SRL: variants seen among roughly 807,000 people sequenced by gnomAD.
SRL encodes the protein sarcalumenin.
A neutral mutation model predicts 39.5 loss-of-function variants in SRL; 23 were observed. That is an observed-to-expected ratio of 0.58 (90% CI 0.42 to 0.82). The LOEUF (loss-of-function observed/expected upper bound fraction) is 0.82, where lower values mean the gene tolerates loss of function less well. Among genes scored for constraint, SRL ranks in the 40% least tolerant of loss-of-function variants. The pLI is 0.00. For synonymous variants in SRL, 272 were observed against 237.4 expected (o/e 1.15, Z -1.34); for missense variants, 592 against 607.8 (o/e 0.97, Z 0.27).
intron 2 of SRL, among the ~76,000 whole-genome samples, chr16:4,203,811 G>A (rs2052273023): frequency 6.6e-6 from 1 of 152,160 alleles, no homozygotes; most frequent in South Asian, 2.1e-4. Flanking sequence ...CATCTCTGTT[G>A]CCCACCTCTG....
At chr16:4,224,329 A>T (rs1373561518) in intron 1 of SRL, among the ~76,000 whole-genome samples, 1 of 152,166 alleles carries the variant, frequency 6.6e-6, no homozygotes, top group Admixed American at 6.5e-5. Flanking sequence ...ACTACTATTG[A>T]TGGAGTGCCT....
intron 1 of SRL, among the ~76,000 whole-genome samples, chr16:4,215,581 A>C (rs2052449121): frequency 6.6e-6 from 1 of 152,094 alleles, no homozygotes; most frequent in Non-Finnish European, 1.5e-5. Flanking sequence ...TGCTTCTAGA[A>C]CTCAGCTCTC....
intron 1 of SRL, among the ~76,000 whole-genome samples, chr16:4,217,767 G>C (rs1180701338): frequency 6.6e-6 from 1 of 152,238 alleles, no homozygotes; most frequent in Non-Finnish European, 1.5e-5. Flanking sequence ...TTCTTTCCTA[G>C]AAGAGCAAAG....
intron 1 of SRL, among the ~76,000 whole-genome samples, chr16:4,210,610 C>T (rs2052381845): frequency 6.6e-6 from 1 of 151,258 alleles, no homozygotes; most frequent in Admixed American, 6.6e-5. Flanking sequence ...TCTGCCTCAG[C>T]CTCCCGAGTA....
intron 1 of SRL, among the ~76,000 whole-genome samples, chr16:4,211,437 C>T (rs113394109): frequency 6.6e-6 from 1 of 151,320 alleles, no homozygotes; most frequent in African/African-American, 2.4e-5. Context: ...ATGACCGTGC[C>T]GATGATGAGG....
intron 1 of SRL, among the ~76,000 whole-genome samples, chr16:4,212,395 G>A (rs985025817): frequency 2.6e-5 from 4 of 152,184 alleles, no homozygotes; most frequent in Non-Finnish European, 4.4e-5. Flanking sequence ...CGCAGACAGA[G>A]GTGTGGGAGC....
chr16:4,226,366 A>G (rs1318360040), intron 1 of SRL, among the ~76,000 whole-genome samples: 1 of 152,038 alleles, frequency 6.6e-6, no homozygotes, highest in Non-Finnish European at 1.5e-5. Flanking sequence ...GGGTAGATGG[A>G]TGAATGGAAG....
Position 4,217,577 on chromosome 16 carries a change from AC to A in SRL, c.62-12944del, listed in dbSNP as rs543568381. 1.9e-4 allele frequency among the ~76,000 whole-genome samples: 28 copies of A among 150,328 alleles called. No homozygotes were observed. The East Asian group carries it at 5.1e-3, about 27-fold the overall frequency. ...CTGCTGTCTTACCACTGGCGCCCCC[AC>A]CCCCCGCTGTCTTACTACCCAGCGA... On this transcript the variant is annotated intron_variant, in intron 1 of 5. Coordinates refer to ENST00000399609, the MANE Select transcript of SRL (RefSeq NM_001098814.2).
At chr16:4,210,621 G>A (rs1360734595) in intron 1 of SRL, among the ~76,000 whole-genome samples, 2 of 151,120 alleles carry the variant, frequency 1.3e-5, no homozygotes, top group African/African-American at 4.9e-5. Flanking sequence ...CTCCCGAGTA[G>A]CTGGAATTAC....
At chr16:4,227,880 G>C (rs111640403) in intron 1 of SRL, among the ~76,000 whole-genome samples, 1 of 152,222 alleles carries the variant, frequency 6.6e-6, no homozygotes, top group Non-Finnish European at 1.5e-5. Flanking sequence ...CTTATTGGAG[G>C]GAAAGGCAAG....
intron 3 of SRL, among the ~76,000 whole-genome samples, chr16:4,198,519 C>G (rs2052179154): frequency 6.6e-6 from 1 of 152,098 alleles, no homozygotes; most frequent in Admixed American, 6.6e-5. Context: ...TGCAATTGTG[C>G]CCCACTACAA....
rs1346908960 is a variant in SRL at position 4,195,563 on chromosome 16, C to A, written c.600G>T (p.Gln200His). ...TGAGGGCTAAATTACCTCTTTCTTG[C>A]TGCTTGCGGTTCTCGATGATGCCTG... ...DTPGIIENRK[Q>H]QERGYPFNDV... The change falls in exon 5 of 6, where the codon CAG (glutamine) becomes CAT (histidine). Residue 200 changes from glutamine (Q) to histidine (H), a missense_variant. By Grantham distance (24) the Gln-to-His change is conservative (BLOSUM62 0). Coordinates refer to ENST00000399609, the MANE Select transcript of SRL (RefSeq NM_001098814.2). The A allele has an allele frequency of 6.8e-6, 11 of 1,614,150 alleles. No individual in the cohort carries two copies. The highest frequency in any genetic ancestry group is 9.3e-6 in the Non-Finnish European group (11 of 1,180,014).
chr16:4,220,675 G>A (rs2141055068), intron 1 of SRL, among the ~76,000 whole-genome samples: 1 of 152,204 alleles, frequency 6.6e-6, no homozygotes, highest in African/African-American at 2.4e-5. Flanking sequence ...AGCTTTCTCT[G>A]GTGAACTTTG....
intron 4 of SRL, among the ~76,000 whole-genome samples, chr16:4,196,535 G>A (rs2052147077): frequency 6.9e-6 from 1 of 145,008 alleles, no homozygotes; most frequent in Non-Finnish European, 1.5e-5. Context: ...AGGCTGGAGT[G>A]CAGTGGCATG....
intron 1 of SRL, among the ~76,000 whole-genome samples, chr16:4,228,415 G>A (rs1239969865): frequency 3.3e-5 from 5 of 152,070 alleles, no homozygotes; most frequent in Admixed American, 6.6e-5. Context: ...CAACCCGGGC[G>A]ACAGAGCGAG....
chr16:4,203,590 T>A (rs1196550336), intron 2 of SRL, among the ~76,000 whole-genome samples: 1 of 152,134 alleles, frequency 6.6e-6, no homozygotes, highest in Admixed American at 6.5e-5. Flanking sequence ...GGTGCAATCA[T>A]AGCTCACTGC....
intron 1 of SRL, chr16:4,208,189 T>C (rs1379505367): frequency 1.3e-5 from 5 of 370,602 alleles, no homozygotes; most frequent in Non-Finnish European, 2.6e-5. Context: ...CTAGCTCCCG[T>C]CTTCTGGGAT....
intron 1 of SRL, among the ~76,000 whole-genome samples, chr16:4,218,339 A>C (rs1230948514): frequency 1.3e-5 from 2 of 152,140 alleles, no homozygotes; most frequent in African/African-American, 4.8e-5. Context: ...GAGGACCGGT[A>C]AGGGCCCTTC....
At chr16:4,208,016 C>G (rs541065650) in intron 1 of SRL, 116 of 456,630 alleles carry the variant, frequency 2.5e-4, no homozygotes, top group Non-Finnish European at 4.3e-4. Flanking sequence ...CCCTTTCTTT[C>G]TCCTCTAGAC....
Sources: allele counts gnomAD v4.1 joint callset (sites outside exome capture counted in the v4.1 genomes callset), GRCh38; gene constraint gnomAD v4.1.1; transcripts MANE v1.5; gene names NCBI Gene and HGNC (gene_info 2026-07-23, HGNC 2026-07-21).